The following RNF43 variants were observed in gnomAD, a reference collection of about 807,000 sequenced individuals.
RNF43 encodes ring finger protein 43.
RNF43 carries 37 observed loss-of-function variants against 78.4 expected under a neutral mutation model. The ratio of observed to expected loss-of-function variants is 0.47; its 90% CI spans 0.36 to 0.62. The LOEUF is 0.62. Ranked by LOEUF, RNF43 falls within the 20% of genes least tolerant of loss-of-function variation. The pLI, the probability that RNF43 is intolerant of heterozygous loss-of-function variation, is 0.00. For synonymous variants in RNF43, 347 were observed against 395.0 expected, an observed-to-expected ratio of 0.88 and a Z score of 1.44; for missense variants, 774 against 1,007.9, an observed-to-expected ratio of 0.77 and a Z score of 3.14.
At chr17:58,371,134 G>T in intron 2 of RNF43, 101 bp from the exon 3 acceptor site, 3 of 1,220,488 alleles carry the variant, frequency 2.5e-6, no homozygotes, top group Non-Finnish European at 3.3e-6. Context: ...TACCAGGCAG[G>T]TCTCTTGGTG....
chr17:58,381,971 A>G lies in RNF43; in HGVS notation c.253-10938T>C, dbSNP rs543709368. 4.6e-5 allele frequency among the ~76,000 whole-genome samples: 7 copies of G among 152,184 alleles called. No individual in the cohort carries two copies. In the East Asian group the frequency reaches 1.4e-3, roughly 29 times the overall value. On this transcript the variant is annotated intron_variant, in intron 2 of 9. Transcript: ENST00000407977. ...CAAAGACTGTGAGAACTCCAATCCTATAGCTCTCTACCTCTTTTTGCCCTT... is the reference window on the plus strand; with the variant it reads ...CAAAGACTGTGAGAACTCCAATCCTGTAGCTCTCTACCTCTTTTTGCCCTT...
intron 2 of RNF43, among the ~76,000 whole-genome samples, chr17:58,391,640 A>T (rs922733737): frequency 6.6e-6 from 1 of 152,228 alleles, no homozygotes; most frequent in African/African-American, 2.4e-5. Flanking sequence ...AGGCTGAGTT[A>T]ACGATTACAG....
chr17:58,368,025 G>A (rs1337188915), intron 3 of RNF43, among the ~76,000 whole-genome samples: 2 of 152,164 alleles, frequency 1.3e-5, no homozygotes, highest in Non-Finnish European at 2.9e-5. Context: ...GCTTAGAGAG[G>A]TGAGCTAAAA....
downstream of RNF43, chr17:58,353,118 TATAA>T (rs528041772): frequency 3.5e-3 from 721 of 205,932 alleles, 5 homozygotes; most frequent in Non-Finnish European, 5.0e-3. Flanking sequence ...AGCTTTGGGA[TATAA>T]ATAGTTTCAG....
In RNF43 at chr17:58,354,801, C is replaced by A. The variant is rs1264966446; in HGVS notation, c.*142G>T. 11 of 764,328 alleles carry A rather than the reference C, an allele frequency of 1.4e-5. No homozygotes were observed. The highest frequency in any genetic ancestry group is 3.4e-5 in the African/African-American group (2 of 58,676). 47.3% of individuals were successfully genotyped at this position (764,328 alleles called of 1,614,324 possible). On this transcript the variant is annotated 3_prime_UTR_variant, in exon 10 of 10. Transcript: ENST00000407977. Reference sequence around the variant, plus strand: ...CCTCTCACCCTCCACCATCACCAGTCCTCTTCCAGTGCTTCTAGGAAGTAC... The same window carrying A: ...CCTCTCACCCTCCACCATCACCAGTACTCTTCCAGTGCTTCTAGGAAGTAC...
At chr17:58,364,524 G>C (rs1459316261) in intron 3 of RNF43, among the ~76,000 whole-genome samples, 1 of 152,182 alleles carries the variant, frequency 6.6e-6, no homozygotes, top group Non-Finnish European at 1.5e-5. Flanking sequence ...GTCGGGGGAG[G>C]CGGGAGGCAC....
rs1336732808 is a variant in RNF43, at chr17:58,360,783, C to T, written c.849G>A (p.Gln283=). 1.9e-6 allele frequency: 3 copies of T among 1,609,692 alleles called. No homozygotes were observed. Among genetic ancestry groups the T allele is most frequent in the Non-Finnish European group, 2.5e-6 (3 of 1,177,978 alleles). Residue 283 remains glutamine, a splice_region_variant and synonymous_variant, in exon 7 of 10, where the codon CAG becomes CAA. Transcript: ENST00000407977. This position sits in a 1 kb window ranked among gnomAD's most constrained non-coding sequence, Gnocchi z 4.3. ...AGGTGAACCACAAGACCTGCCTTACCTGCCCCTCAGAGAACTCCTCCAGAC... is the reference window on the plus strand; with the variant it reads ...AGGTGAACCACAAGACCTGCCTTACTTGCCCCTCAGAGAACTCCTCCAGAC... The part of the protein sequence containing the change: ...AICLEEFSEG[Q]ELRVISCLHE...
chr17:58,389,536 G>A (rs1225484072), intron 2 of RNF43, among the ~76,000 whole-genome samples: 2 of 152,172 alleles, frequency 1.3e-5, no homozygotes, highest in African/African-American at 4.8e-5. Flanking sequence ...ACAATTCTAG[G>A]CAGTTTCCTT....
rs187293367 is a variant in RNF43 at position 58,361,362 on chromosome 17, G to A, written c.688-418C>T. Among the ~76,000 whole-genome samples the A allele has an allele frequency of 2.9e-3, 438 of 152,242 alleles. 2 individuals carry two copies. The highest frequency in any genetic ancestry group is 0.01 in the African/African-American group (420 of 41,546). On this transcript the variant is annotated intron_variant, in intron 6 of 9. Coordinates refer to ENST00000407977, the MANE Select transcript of RNF43 (RefSeq NM_017763.6). Reference sequence around the variant, plus strand: ...TGCTCAGGCCAAAAATCTTGGTGCCGTCCTTGAGTCCTCTCATATCCCACA... The same window carrying A: ...TGCTCAGGCCAAAAATCTTGGTGCCATCCTTGAGTCCTCTCATATCCCACA...
intron 2 of RNF43, among the ~76,000 whole-genome samples, chr17:58,385,214 G>T (rs911117814): frequency 1.3e-5 from 2 of 152,046 alleles, no homozygotes; most frequent in African/African-American, 4.8e-5. Context: ...CTCTTCTGAG[G>T]TTCTTATTCA....
At chr17:58,355,614 G>A (rs1972670620) in intron 9 of RNF43, among the ~76,000 whole-genome samples, 1 of 152,212 alleles carries the variant, frequency 6.6e-6, no homozygotes, top group Non-Finnish European at 1.5e-5. Flanking sequence ...AAATAAGGTT[G>A]AGAAGGAAGA....
At chr17:58,383,239 C>T (rs1238739634) in intron 2 of RNF43, among the ~76,000 whole-genome samples, 2 of 152,098 alleles carry the variant, frequency 1.3e-5, no homozygotes, top group African/African-American at 2.4e-5. Context: ...ATTTTTCCCC[C>T]GTCCTTTATT....
Position 58,363,415 on chromosome 17 carries a change from G to A in RNF43, c.451-9C>T, listed in dbSNP as rs1198895523. 1 of 1,614,116 alleles carries A rather than the reference G, an allele frequency of 6.2e-7. No individual in the cohort carries two copies. Among genetic ancestry groups the A allele is most frequent in the Non-Finnish European group, 8.5e-7 (1 of 1,180,002 alleles). On this transcript the variant is annotated splice_polypyrimidine_tract_variant and intron_variant, in intron 4 of 9. Coordinates refer to ENST00000407977, the MANE Select transcript of RNF43 (RefSeq NM_017763.6). ...CCCAGCGGCTGCTGCAGCTACAGGG[G>A]GAAAGTGCCCACAGGGCTGCTGTGA...
intron 2 of RNF43, among the ~76,000 whole-genome samples, chr17:58,385,588 C>T (rs138096285): frequency 9.1e-4 from 138 of 152,320 alleles, no homozygotes; most frequent in Middle Eastern, 3.4e-3. Context: ...CAAGAACAAT[C>T]TTCCTAGACA....
chr17:58,379,229 C>T (rs550805652), intron 2 of RNF43, among the ~76,000 whole-genome samples: 1 of 152,114 alleles, frequency 6.6e-6, no homozygotes, highest in South Asian at 2.1e-4. Flanking sequence ...CTTCAGGGTC[C>T]CCATTTCTAG....
At chr17:58,390,107 C>T (rs1448052835) in intron 2 of RNF43, among the ~76,000 whole-genome samples, 1 of 152,120 alleles carries the variant, frequency 6.6e-6, no homozygotes, top group Non-Finnish European at 1.5e-5. Flanking sequence ...CCATGCTCCT[C>T]CAAAGCTACA....
At chr17:58,366,036 C>T (rs1222666448) in intron 3 of RNF43, among the ~76,000 whole-genome samples, 1 of 152,200 alleles carries the variant, frequency 6.6e-6, no homozygotes, top group East Asian at 1.9e-4. Context: ...ATCTTCTGCT[C>T]ATCAAAAATG....
intron 2 of RNF43, among the ~76,000 whole-genome samples, chr17:58,376,961 AC>A (rs1386260503): frequency 1.3e-5 from 2 of 151,934 alleles, no homozygotes; most frequent in African/African-American, 4.8e-5. Flanking sequence ...CATATTTTAT[AC>A]CCCCTGTGTA....
intron 8 of RNF43, among the ~76,000 whole-genome samples, chr17:58,359,315 C>T (rs893561442): frequency 1.3e-5 from 2 of 152,030 alleles, no homozygotes; most frequent in South Asian, 2.1e-4. Flanking sequence ...AGATTATCTA[C>T]GGCCGGGCGC....
Sources: gnomAD v4.1 joint callset for allele counts (sites outside exome capture counted in the v4.1 genomes callset) on GRCh38, gnomAD v4.1.1 for gene constraint, Gnocchi (gnomAD v3.1) non-coding constraint, MANE v1.5 for transcripts, NCBI Gene and HGNC (gene_info 2026-07-23, HGNC 2026-07-21) for gene names.